The following ATG16L1 variants were observed in gnomAD, a reference collection of about 807,000 sequenced individuals.
The protein encoded by ATG16L1 is autophagy-related protein 16-1.
In ATG16L1, 37 loss-of-function variants were observed where a neutral mutation model predicts 88.5. The observed-to-expected ratio is 0.42, with a 90% CI of 0.32 to 0.55. The LOEUF (loss-of-function observed/expected upper bound fraction) is 0.55, where lower values mean the gene tolerates loss of function less well. ATG16L1 is among the 20% of genes least tolerant of loss of function. ATG16L1 has a pLI of 0.13. For synonymous variants in ATG16L1, 301 were observed against 281.0 expected (o/e 1.07, Z -0.71); for missense variants, 554 against 752.8 (o/e 0.74, Z 3.09).
intron 3 of ATG16L1, 105 bp downstream of exon 3, chr2:233,263,340 CA>C (rs1176163084): frequency 2.3e-5 from 22 of 968,788 alleles, no homozygotes; most frequent in Non-Finnish European, 3.5e-5. Context: ...CAGCCTTAGC[CA>C]TATGTGGCAT....
chr2:233,292,539 T>A, intron 16 of ATG16L1, 105 bp downstream of exon 16: 1 of 1,397,902 alleles, frequency 7.2e-7, no homozygotes, highest in Non-Finnish European at 1.0e-6. Flanking sequence ...GTGCCCAACC[T>A]ATGTTTCCAG....
chr2:233,289,117 CAT>C (rs1331828406), intron 12 of ATG16L1, among the ~76,000 whole-genome samples: 1 of 152,134 alleles, frequency 6.6e-6, no homozygotes, highest in South Asian at 2.1e-4. Context: ...ATAATTCAGA[CAT>C]AGAAAAATTA....
At position 233,251,724 on chromosome 2, in the gene ATG16L1, G is replaced by A. The variant is rs748448334; in HGVS notation, c.-104G>A. 4.8e-5 allele frequency: 49 copies of A among 1,026,810 alleles called. No homozygotes were observed. Among genetic ancestry groups the A allele is most frequent in the Non-Finnish European group, 6.9e-5 (47 of 682,128 alleles). The allele number at this position is 1,026,810 out of a possible 1,614,324, so 63.6% of individuals were successfully genotyped here. Reference sequence around the variant, plus strand: ...TGCCAGTGTGTGGAGGTGAGCTCCGGGATTGCCGGCATTCCCGCTTCTGCT... The same window carrying A: ...TGCCAGTGTGTGGAGGTGAGCTCCGAGATTGCCGGCATTCCCGCTTCTGCT... On this transcript the variant is annotated 5_prime_UTR_variant, in exon 1 of 18. Coordinates refer to ENST00000392017, the MANE Select transcript of ATG16L1 (RefSeq NM_030803.7).
chr2:233,294,441 G>A lies in ATG16L1; in HGVS notation c.*91G>A. On this transcript the variant is annotated 3_prime_UTR_variant, in exon 18 of 18. Coordinates refer to ENST00000392017, the MANE Select transcript of ATG16L1 (RefSeq NM_030803.7). ...CCTGTCCTGGCAGGTGATGTGCTGG[G>A]TATAGCATGGACCTCCCAGAGAAGC... The A allele has an allele frequency of 1.0e-6, 1 of 977,404 alleles. No individual in the cohort carries two copies. The highest frequency in any genetic ancestry group is 1.5e-6 in the Non-Finnish European group (1 of 648,476). 60.5% of individuals were successfully genotyped at this position (977,404 alleles called of 1,614,324 possible).
At chr2:233,256,834 TG>T (rs1233538603) in intron 2 of ATG16L1, among the ~76,000 whole-genome samples, 3 of 151,890 alleles carry the variant, frequency 2.0e-5, no homozygotes, top group Non-Finnish European at 4.4e-5. Flanking sequence ...CCCAAATAGC[TG>T]GGTCTACAGG....
At chr2:233,275,531 A>G (rs1698286100) in intron 9 of ATG16L1, 2 of 352,078 alleles carry the variant, frequency 5.7e-6, no homozygotes, top group Non-Finnish European at 1.1e-5. Context: ...GATGGAATTT[A>G]TATGGTGGGA....
At chr2:233,264,203 C>T (rs1165614160) in intron 4 of ATG16L1, 138 bp downstream of exon 4, 3 of 734,810 alleles carry the variant, frequency 4.1e-6, no homozygotes, top group Non-Finnish European at 6.9e-6. Flanking sequence ...AGTGCATACA[C>T]ACTCTGGGAT....
At chr2:233,264,403 G>GC (rs1365178474) in intron 4 of ATG16L1, among the ~76,000 whole-genome samples, 4 of 152,202 alleles carry the variant, frequency 2.6e-5, no homozygotes, top group Non-Finnish European at 5.9e-5. Flanking sequence ...TGAGCGCATG[G>GC]CCCTTGGGAA....
chr2:233,274,046 A>G, intron 8 of ATG16L1: 1 of 1,550,000 alleles, frequency 6.5e-7, no homozygotes, highest in Non-Finnish European at 8.7e-7. Context: ...TGCCAGGTGA[A>G]ACTATTATCC....
At chr2:233,262,415 T>G (rs189769468) in intron 2 of ATG16L1, among the ~76,000 whole-genome samples, 1 of 152,260 alleles carries the variant, frequency 6.6e-6, no homozygotes, top group East Asian at 1.9e-4. Flanking sequence ...CTAGTAAACC[T>G]CACAGCCCTC....
chr2:233,264,652 T>G (rs1697447208), intron 4 of ATG16L1, among the ~76,000 whole-genome samples: 1 of 152,166 alleles, frequency 6.6e-6, no homozygotes, highest in Non-Finnish European at 1.5e-5. Context: ...TAAATCCCCT[T>G]TACCAATCTA....
At chr2:233,262,757 C>T (rs147807115) in intron 2 of ATG16L1, among the ~76,000 whole-genome samples, 78 of 152,324 alleles carry the variant, frequency 5.1e-4, no homozygotes, top group African/African-American at 1.9e-3. Context: ...CACACGTGCT[C>T]TCAGTTGACT....
rs777616242 is a variant in ATG16L1 at position 233,289,962 on chromosome 2, C to T, written c.1312C>T (p.Arg438Cys). ...CCGGACTCTCAAACTCTGGGATCTA[C>T]GCAGCAAAGTCTGTGAGGAAATTCA... ...HDRTLKLWDL[R>C]SKVCIKTVFA... The change falls in exon 13 of 18, where the codon CGC (arginine) becomes TGC (cysteine). Residue 438 changes from arginine to cysteine, a missense_variant. By Grantham distance (180) the Arg-to-Cys change is radical. Coordinates refer to ENST00000392017, the MANE Select transcript of ATG16L1 (RefSeq NM_030803.7). 1.2e-6 allele frequency: 2 copies of T among 1,613,926 alleles called. No homozygotes were observed. The highest frequency in any genetic ancestry group is 1.7e-6 in the Non-Finnish European group (2 of 1,179,840).
At chr2:233,263,328 A>G in intron 3 of ATG16L1, 93 bp downstream of exon 3, 1 of 1,140,614 alleles carries the variant, frequency 8.8e-7, no homozygotes. Flanking sequence ...CAGAATTGGC[A>G]GCAGCCTTAG....
chr2:233,288,557 C>G, intron 12 of ATG16L1: 1 of 328,190 alleles, frequency 3.0e-6, no homozygotes, highest in Non-Finnish European at 6.1e-6. Context: ...GCTAGGATTA[C>G]CAGTGTGAGC....
intron 1 of ATG16L1, among the ~76,000 whole-genome samples, chr2:233,253,626 A>T (rs1254308438): frequency 1.3e-5 from 2 of 152,146 alleles, no homozygotes; most frequent in Non-Finnish European, 2.9e-5. Flanking sequence ...GATTACAGGC[A>T]TGAGCCACAG....
chr2:233,269,923 G>C, intron 5 of ATG16L1, 79 bp from the exon 6 acceptor site: 1 of 1,412,684 alleles, frequency 7.1e-7, no homozygotes, highest in South Asian at 1.4e-5. Flanking sequence ...ATTAGAACTG[G>C]TGGCTTCTAG....
At chr2:233,273,348 A>G in intron 7 of ATG16L1, 1 of 493,068 alleles carries the variant, frequency 2.0e-6, no homozygotes, top group South Asian at 3.0e-5. Flanking sequence ...AGGTTTGATC[A>G]TCCTGTTTCA....
At chr2:233,261,952 C>T (rs1358563441) in intron 2 of ATG16L1, among the ~76,000 whole-genome samples, 2 of 152,220 alleles carry the variant, frequency 1.3e-5, no homozygotes, top group Non-Finnish European at 2.9e-5. Context: ...TAGCCTCCAG[C>T]TTGGACTTCT....
Sources: gnomAD v4.1 joint callset for allele counts (sites outside exome capture counted in the v4.1 genomes callset) on GRCh38, gnomAD v4.1.1 for gene constraint, MANE v1.5 for transcripts, NCBI Gene and HGNC (gene_info 2026-07-23, HGNC 2026-07-21) for gene names.